Variants in FOXN3 observed in about 807,000 individuals in gnomAD.
The protein encoded by FOXN3 is forkhead box N3.
Under a neutral mutation model 38.4 loss-of-function variants are expected in FOXN3, and 7 were observed. That is an observed-to-expected ratio of 0.18 (90% confidence interval 0.10 to 0.34). The LOEUF (loss-of-function observed/expected upper bound fraction) is 0.34. Among genes scored for constraint, FOXN3 ranks in the 10% least tolerant of loss-of-function variants. FOXN3 has a pLI of 1.00. For synonymous variants in FOXN3, 230 were observed against 242.2 expected (o/e 0.95, Z 0.47); for missense variants, 456 against 613.4 (o/e 0.74, Z 2.71).
Position 89,190,649 on chromosome 14 carries a change from T to C in FOXN3, c.746-9843A>G, listed in dbSNP as rs189651289. 5.9e-5 allele frequency among the ~76,000 whole-genome samples: 9 copies of C among 152,282 alleles called. No homozygotes were observed. The East Asian group carries it at 1.2e-3, about 20-fold the overall frequency. ...GGTATTCTAGAATGAGATTTAAGGA[T>C]CATGTTAGTAAATTTTTCATCACAC... On this transcript the variant is annotated intron_variant, in intron 4 of 5. Transcript: ENST00000557258.
chr14:89,458,466 A>C (rs979494028), intron 1 of FOXN3, among the ~76,000 whole-genome samples: 1 of 152,190 alleles, frequency 6.6e-6, no homozygotes, highest in Non-Finnish European at 1.5e-5. Flanking sequence ...GCATGCGGGT[A>C]ATCCATGGAC....
intron 1 of FOXN3, among the ~76,000 whole-genome samples, chr14:89,571,203 G>C (rs1181835266): frequency 6.6e-6 from 1 of 152,100 alleles, no homozygotes; most frequent in African/African-American, 2.4e-5. Context: ...GAGAGAGAGT[G>C]ATTGCAATGA....
At chr14:89,224,112 C>T (rs912608511) in intron 4 of FOXN3, among the ~76,000 whole-genome samples, 1 of 151,754 alleles carries the variant, frequency 6.6e-6, no homozygotes, top group Non-Finnish European at 1.5e-5. Context: ...ATATACTATA[C>T]AAGAAAACTT....
rs1283746735 is a variant in FOXN3, at chr14:89,334,006, A to G, written c.680+16666T>C. Among the ~76,000 whole-genome samples, 232 of 49,378 alleles carry G rather than the reference A, an allele frequency of 4.7e-3. 2 individuals are homozygous for G. Among genetic ancestry groups the G allele is most frequent in the African/African-American group, 0.013 (206 of 16,272 alleles). The allele number at this position is 49,378 out of a possible 152,430, so 32.4% of individuals were successfully genotyped here. A position where few individuals can be genotyped will look rare whatever the true frequency, so the allele number is the denominator to read the frequency against. ...TATATATATATATATATATATATAT[A>G]TATGTATATAAATGTGGTATACACA... On this transcript the variant is annotated intron_variant, in intron 3 of 5. Coordinates refer to ENST00000557258, the MANE Select transcript of FOXN3 (RefSeq NM_005197.4).
intron 2 of FOXN3, among the ~76,000 whole-genome samples, chr14:89,408,106 T>A (rs1179259769): frequency 1.3e-5 from 2 of 152,184 alleles, no homozygotes; most frequent in Non-Finnish European, 2.9e-5. Flanking sequence ...ATGCTCTTGA[T>A]GAAATCTCAG....
intron 1 of FOXN3, among the ~76,000 whole-genome samples, chr14:89,571,617 C>T (rs1446757746): frequency 2.0e-5 from 3 of 152,140 alleles, no homozygotes; most frequent in African/African-American, 7.2e-5. Flanking sequence ...TCATGTACCA[C>T]ACCACCTCTG....
intron 4 of FOXN3, among the ~76,000 whole-genome samples, chr14:89,217,305 A>G (rs955766650): frequency 1.3e-5 from 2 of 151,776 alleles, no homozygotes; most frequent in Non-Finnish European, 2.9e-5. Flanking sequence ...ACACATGGCT[A>G]TTTTTTTCCT....
chr14:89,357,216 T>G (rs536868997), intron 2 of FOXN3, among the ~76,000 whole-genome samples: 1 of 152,272 alleles, frequency 6.6e-6, no homozygotes, highest in African/African-American at 2.4e-5. Flanking sequence ...TTAGCTAGAC[T>G]GCTGCTTGAG....
intron 3 of FOXN3, among the ~76,000 whole-genome samples, chr14:89,293,627 A>G (rs927978060): frequency 6.6e-6 from 1 of 152,158 alleles, no homozygotes; most frequent in African/African-American, 2.4e-5. Flanking sequence ...ACCCCACTCC[A>G]GTGTGACCTC....
At chr14:89,554,864 C>G (rs778216853) in intron 1 of FOXN3, among the ~76,000 whole-genome samples, 22 of 136,980 alleles carry the variant, frequency 1.6e-4, no homozygotes, top group South Asian at 2.3e-4. Context: ...TCTCAGCTCA[C>G]TGAAACCTCA....
intron 1 of FOXN3, among the ~76,000 whole-genome samples, chr14:89,521,358 TAGAGAGAG>T (rs199686142): frequency 4.8e-5 from 6 of 124,968 alleles, no homozygotes; most frequent in Non-Finnish European, 9.1e-5. Context: ...AGATGATAGA[TAGAGAGAG>T]AGAGAGAGAG....
At chr14:89,472,438 A>G (rs1893116389) in intron 1 of FOXN3, among the ~76,000 whole-genome samples, 1 of 150,948 alleles carries the variant, frequency 6.6e-6, no homozygotes, top group South Asian at 2.1e-4. Flanking sequence ...TAGATTGTGC[A>G]GGCCGGGCGC....
At chr14:89,178,265 C>A (rs528133055) in intron 5 of FOXN3, among the ~76,000 whole-genome samples, 1 of 152,122 alleles carries the variant, frequency 6.6e-6, no homozygotes, top group South Asian at 2.1e-4. Flanking sequence ...CCCGCCGGAG[C>A]CTCTCAGTGT....
chr14:89,406,087 C>T (rs1891381312), intron 2 of FOXN3, among the ~76,000 whole-genome samples: 1 of 152,172 alleles, frequency 6.6e-6, no homozygotes, highest in Non-Finnish European at 1.5e-5. Context: ...GCCGGGACTA[C>T]AGGTGCGTGC....
intron 4 of FOXN3, among the ~76,000 whole-genome samples, chr14:89,246,867 G>C (rs997998836): frequency 2.0e-5 from 3 of 152,126 alleles, no homozygotes; most frequent in Non-Finnish European, 4.4e-5. Flanking sequence ...GAAGAAAAGA[G>C]AGCATGACAA....
At chr14:89,595,466 T>G (rs1896039638) in intron 1 of FOXN3, among the ~76,000 whole-genome samples, 1 of 152,232 alleles carries the variant, frequency 6.6e-6, no homozygotes, top group Non-Finnish European at 1.5e-5. Context: ...AATTTGATTA[T>G]TTTTATTCTA....
chr14:89,240,834 G>C (rs1320572661), intron 4 of FOXN3, among the ~76,000 whole-genome samples: 1 of 152,064 alleles, frequency 6.6e-6, no homozygotes, highest in East Asian at 1.9e-4. Flanking sequence ...GGCCTGAGTG[G>C]AGCAGTAACC....
chr14:89,430,927 T>A (rs1281930451), intron 1 of FOXN3, among the ~76,000 whole-genome samples: 1 of 152,210 alleles, frequency 6.6e-6, no homozygotes, highest in Non-Finnish European at 1.5e-5. Flanking sequence ...GCTAAAGGCA[T>A]GATAAATCAT....
intron 2 of FOXN3, among the ~76,000 whole-genome samples, chr14:89,359,244 C>G (rs564776366): frequency 6.6e-6 from 1 of 151,434 alleles, no homozygotes; most frequent in Non-Finnish European, 1.5e-5. Flanking sequence ...TGCAGTGAGC[C>G]GAGATCACGC....
Sources: allele counts gnomAD v4.1 joint callset (sites outside exome capture counted in the v4.1 genomes callset), GRCh38; gene constraint gnomAD v4.1.1; transcripts MANE v1.5; gene names NCBI Gene and HGNC (gene_info 2026-07-23, HGNC 2026-07-21).